LDB2: variants seen among roughly 807,000 people sequenced by gnomAD.
The protein encoded by LDB2 is LIM domain-binding protein 2.
Under a neutral mutation model 44.3 loss-of-function variants are expected in LDB2, and 12 were observed. That is an observed-to-expected ratio of 0.27 (90% CI 0.17 to 0.44). LDB2 has a LOEUF of 0.44. Ranked by LOEUF, LDB2 falls within the 20% of genes least tolerant of loss-of-function variation. The probability of loss-of-function intolerance (pLI) is 1.00; values close to 1 mark genes in which losing one functional copy is unlikely to be tolerated. For synonymous variants in LDB2, 164 were observed against 174.8 expected (o/e 0.94, Z 0.49); for missense variants, 344 against 473.5 (o/e 0.73, Z 2.54).
At chr4:16,701,237 C>T (rs576369569) in intron 2 of LDB2, among the ~76,000 whole-genome samples, 31 of 152,294 alleles carry the variant, frequency 2.0e-4, no homozygotes, top group African/African-American at 7.0e-4. Context: ...GCCTTCATAA[C>T]AAAGATATCA....
Position 16,569,333 on chromosome 4 carries a change from A to G in LDB2, c.615+16589T>C, listed in dbSNP as rs373129546. Among the ~76,000 whole-genome samples the G allele has an allele frequency of 6.4e-4, 97 of 152,374 alleles. 1 individual carries two copies. The South Asian group carries it at 0.018, about 28-fold the overall frequency. On this transcript the variant is annotated intron_variant, in intron 5 of 7. Transcript: ENST00000304523. ...GATTGAACGGAAAAGGGGTTGCTCC[A>G]TCCCTACCTTCTTTCACAAAGTTTA...
intron 2 of LDB2, 47 bp downstream of exon 2, chr4:16,759,111 A>T: frequency 7.5e-7 from 1 of 1,332,846 alleles, no homozygotes. Context: ...CGGTTTTCTT[A>T]CAGGCACAAA....
At chr4:16,624,496 G>C (rs1192186607) in intron 2 of LDB2, among the ~76,000 whole-genome samples, 2 of 152,178 alleles carry the variant, frequency 1.3e-5, no homozygotes, top group Admixed American at 1.3e-4. Flanking sequence ...ATTGGATTAA[G>C]TGTTTTGCCT....
chr4:16,739,806 G>A (rs1233712630), intron 2 of LDB2, among the ~76,000 whole-genome samples: 1 of 144,942 alleles, frequency 6.9e-6, no homozygotes, highest in Non-Finnish European at 1.5e-5. Context: ...GAATTTAGAT[G>A]TTCATATTTT....
At chr4:16,806,759 A>G (rs1778866402) in intron 1 of LDB2, among the ~76,000 whole-genome samples, 1 of 152,180 alleles carries the variant, frequency 6.6e-6, no homozygotes, top group African/African-American at 2.4e-5. Context: ...GCAACTTAGG[A>G]GTAAGCTCTG....
chr4:16,840,873 T>A (rs1785747768), intron 1 of LDB2, among the ~76,000 whole-genome samples: 1 of 152,138 alleles, frequency 6.6e-6, no homozygotes, highest in South Asian at 2.1e-4. Flanking sequence ...GTAACAGGGG[T>A]GATGCCTCAT....
At chr4:16,538,943 G>T (rs994660048) in intron 5 of LDB2, among the ~76,000 whole-genome samples, 1 of 152,190 alleles carries the variant, frequency 6.6e-6, no homozygotes, top group Non-Finnish European at 1.5e-5. Context: ...CAACCAGTAA[G>T]TGTTTGATTT....
chr4:16,846,728 T>A (rs17815419), intron 1 of LDB2, among the ~76,000 whole-genome samples: 26,952 of 152,246 alleles, frequency 0.18, 2,816 homozygotes, highest in Non-Finnish European at 0.23. Flanking sequence ...CCATTAATTC[T>A]GTCATGTCAT....
chr4:16,855,170 ACACT>A (rs1359034271), intron 1 of LDB2, among the ~76,000 whole-genome samples: 1 of 152,128 alleles, frequency 6.6e-6, no homozygotes, highest in Non-Finnish European at 1.5e-5. Flanking sequence ...TCAAATTTCT[ACACT>A]CACTATTTGC....
At chr4:16,795,618 GTTA>G (rs1358254514) in intron 1 of LDB2, among the ~76,000 whole-genome samples, 3 of 152,146 alleles carry the variant, frequency 2.0e-5, no homozygotes, top group Non-Finnish European at 4.4e-5. Context: ...AAGACAGGCA[GTTA>G]TTCAGGCATG....
At chr4:16,842,055 G>A (rs1785992440) in intron 1 of LDB2, among the ~76,000 whole-genome samples, 2 of 152,104 alleles carry the variant, frequency 1.3e-5, no homozygotes, top group African/African-American at 2.4e-5. Context: ...TATTTTCATG[G>A]CTTTGGTGAG....
chr4:16,587,805 G>C (rs1717544138), intron 4 of LDB2, among the ~76,000 whole-genome samples: 1 of 152,136 alleles, frequency 6.6e-6, no homozygotes, highest in African/African-American at 2.4e-5. Context: ...CTGAACATCA[G>C]TTTCCTTGCT....
intron 3 of LDB2, among the ~76,000 whole-genome samples, chr4:16,590,470 T>C (rs988967001): frequency 1.3e-5 from 2 of 152,238 alleles, no homozygotes; most frequent in Non-Finnish European, 2.9e-5. Context: ...TCTTTGGAAA[T>C]GTAACACAAA....
chr4:16,662,013 C>A (rs557713429), intron 2 of LDB2, among the ~76,000 whole-genome samples: 2 of 152,286 alleles, frequency 1.3e-5, no homozygotes, highest in African/African-American at 4.8e-5. Flanking sequence ...CTCATTCTAG[C>A]ATTCCAAGTA....
At chr4:16,812,996 C>A (rs1336366316) in intron 1 of LDB2, among the ~76,000 whole-genome samples, 3 of 151,194 alleles carry the variant, frequency 2.0e-5, no homozygotes, top group African/African-American at 7.4e-5. Flanking sequence ...CCTCAGTTTA[C>A]TCTTTTTTTT....
intron 5 of LDB2, among the ~76,000 whole-genome samples, chr4:16,527,901 G>A (rs1231624324): frequency 1.3e-5 from 2 of 151,776 alleles, no homozygotes; most frequent in Non-Finnish European, 2.9e-5. Flanking sequence ...AAAGCATCAA[G>A]TTGTGTACTT....
At position 16,732,266 on chromosome 4, in the gene LDB2, T is replaced by A. The variant is rs115312878; in HGVS notation, c.235+26892A>T. ...TCTTTTATTAATGCAAATACAATTA[T>A]TAGTTATGCATTTCAATACACCCTA... On this transcript the variant is annotated intron_variant, in intron 2 of 7. Coordinates refer to ENST00000304523, the MANE Select transcript of LDB2 (RefSeq NM_001290.5). Among the ~76,000 whole-genome samples, 612 of 152,306 alleles carry A rather than the reference T, an allele frequency of 4.0e-3. 5 individuals carry two copies. The highest frequency in any genetic ancestry group is 0.014 in the African/African-American group (585 of 41,570).
At chr4:16,862,069 T>C (rs1467425242) in intron 1 of LDB2, among the ~76,000 whole-genome samples, 1 of 152,164 alleles carries the variant, frequency 6.6e-6, no homozygotes, top group African/African-American at 2.4e-5. Flanking sequence ...ACATCGAGGC[T>C]GCCACACAGT....
chr4:16,642,660 A>G (rs1735525979), intron 2 of LDB2, among the ~76,000 whole-genome samples: 1 of 152,184 alleles, frequency 6.6e-6, no homozygotes, highest in South Asian at 2.1e-4. Flanking sequence ...CCAGGTGACC[A>G]TGATCAATCA....
Sources: gnomAD v4.1 joint callset for allele counts (sites outside exome capture counted in the v4.1 genomes callset) on GRCh38, gnomAD v4.1.1 for gene constraint, MANE v1.5 for transcripts, NCBI Gene and HGNC (gene_info 2026-07-23, HGNC 2026-07-21) for gene names.